Variants in NBAS observed in about 807,000 individuals in gnomAD.
The protein encoded by NBAS is NBAS subunit of NRZ tethering complex.
NBAS carries 219 observed loss-of-function variants against 302.5 expected under a neutral mutation model. The observed-to-expected ratio is 0.72, with a 90% CI of 0.65 to 0.81. The LOEUF (loss-of-function observed/expected upper bound fraction) is 0.81. Ranked by LOEUF, NBAS falls within the 30% of genes least tolerant of loss-of-function variation. The probability of loss-of-function intolerance (pLI) is 0.00; values close to 1 mark genes in which losing one functional copy is unlikely to be tolerated. For missense variants in NBAS, 2,932 were observed against 2,841.6 expected (o/e 1.03, Z -0.72); for synonymous variants, 1,118 against 1,021.6 (o/e 1.09, Z -1.80).
the NBAS span, among the ~76,000 whole-genome samples, chr2:14,961,154 T>G: frequency 6.6e-6 from 1 of 152,054 alleles, no homozygotes; most frequent in Non-Finnish European, 1.5e-5. Context: ...GAAGGAGAAC[T>G]GAAGAGGAGA....
intron 9 of NBAS, among the ~76,000 whole-genome samples, chr2:15,527,193 T>C (rs1294126236): frequency 1.3e-5 from 2 of 152,112 alleles, no homozygotes; most frequent in African/African-American, 4.8e-5. Context: ...ACATAAATTT[T>C]CTTTTCTACT....
chr2:15,387,395 A>T (rs1047123410), intron 28 of NBAS, among the ~76,000 whole-genome samples: 3 of 152,162 alleles, frequency 2.0e-5, no homozygotes, highest in Non-Finnish European at 4.4e-5. Context: ...TCTCTATTGT[A>T]ACTGGCTCTA....
chr2:15,340,542 G>C (rs559644801), intron 35 of NBAS, among the ~76,000 whole-genome samples: 1 of 152,242 alleles, frequency 6.6e-6, no homozygotes, highest in South Asian at 2.1e-4. Context: ...ATGTTAGGTT[G>C]GCAGCTGTAC....
At chr2:14,885,905 A>G in the NBAS span, among the ~76,000 whole-genome samples, 2 of 152,214 alleles carry the variant, frequency 1.3e-5, no homozygotes, top group African/African-American at 2.4e-5. Flanking sequence ...GTTTTACCGA[A>G]GTGGTGGGAA....
chr2:15,353,541 C>T lies in NBAS; in HGVS notation c.4089+12G>A, dbSNP rs748058651. On this transcript the variant is annotated intron_variant, in intron 34 of 51. Transcript: ENST00000281513. ...TCATACAGGTTAGGATTTCCTTTAT[C>T]GAAGGACTTACTTCTGTCTGCAGAG... 7.4e-6 allele frequency: 12 copies of T among 1,613,710 alleles called. No individual in the cohort carries two copies. The South Asian group carries it at 7.7e-5, about 10-fold the overall frequency.
At chr2:15,041,443 G>A in the NBAS span, among the ~76,000 whole-genome samples, 1 of 152,248 alleles carries the variant, frequency 6.6e-6, no homozygotes, top group Non-Finnish European at 1.5e-5. Flanking sequence ...AACAGCTGCA[G>A]GGTGGGAGTG....
At chr2:14,917,649 A>G in the NBAS span, among the ~76,000 whole-genome samples, 1 of 152,200 alleles carries the variant, frequency 6.6e-6, no homozygotes, top group Non-Finnish European at 1.5e-5. Flanking sequence ...ATGGTTATAT[A>G]GTGGGGACAC....
At chr2:15,464,104 T>G (rs1679625465) in intron 19 of NBAS, among the ~76,000 whole-genome samples, 1 of 152,160 alleles carries the variant, frequency 6.6e-6, no homozygotes, top group Non-Finnish European at 1.5e-5. Context: ...TCTACTTCTT[T>G]GACTGACTGA....
the NBAS span, among the ~76,000 whole-genome samples, chr2:15,073,273 G>C: frequency 6.6e-6 from 1 of 152,100 alleles, no homozygotes; most frequent in African/African-American, 2.4e-5. Flanking sequence ...GAGATCAGGA[G>C]TTTGAGACCA....
At chr2:15,441,323 C>T (rs1421948089) in intron 21 of NBAS, among the ~76,000 whole-genome samples, 2 of 152,172 alleles carry the variant, frequency 1.3e-5, no homozygotes, top group African/African-American at 2.4e-5. Context: ...AGAAACTCTA[C>T]AAACCAGAAG....
the NBAS span, among the ~76,000 whole-genome samples, chr2:14,990,069 T>C: frequency 0.045 from 6,880 of 152,128 alleles, 392 homozygotes; most frequent in African/African-American, 0.11. Flanking sequence ...CTTTTATTCC[T>C]TATCTTCTGA....
At chr2:14,871,971 CA>C in the NBAS span, among the ~76,000 whole-genome samples, 1 of 151,986 alleles carries the variant, frequency 6.6e-6, no homozygotes, top group African/African-American at 2.4e-5. Flanking sequence ...AATCAAGACC[CA>C]AATATATGCT....
chr2:15,150,043 C>T, the NBAS span, among the ~76,000 whole-genome samples: 983 of 145,656 alleles, frequency 6.7e-3, 8 homozygotes, highest in African/African-American at 0.023. Context: ...CCACTGTGCT[C>T]CAGAGCCTGG....
At chr2:15,130,788 A>AG in the NBAS span, among the ~76,000 whole-genome samples, 3 of 152,156 alleles carry the variant, frequency 2.0e-5, no homozygotes, top group Non-Finnish European at 4.4e-5. Context: ...TCCCATCCTC[A>AG]GGGGGCCACC....
chr2:15,154,335 G>A, the NBAS span, among the ~76,000 whole-genome samples: 2 of 152,114 alleles, frequency 1.3e-5, no homozygotes, highest in African/African-American at 4.8e-5. Flanking sequence ...GCTCTTCATC[G>A]GGGGCCTCTG....
intron 32 of NBAS, among the ~76,000 whole-genome samples, chr2:15,360,914 C>T (rs537224334): frequency 6.6e-5 from 10 of 152,086 alleles, no homozygotes; most frequent in South Asian, 6.2e-4. Context: ...AAACAGGAGG[C>T]GCATCTTTGA....
chr2:15,486,937 C>T (rs554621454), intron 12 of NBAS, among the ~76,000 whole-genome samples: 2 of 151,844 alleles, frequency 1.3e-5, no homozygotes, highest in African/African-American at 4.8e-5. Flanking sequence ...AAAAAAGTCT[C>T]TGGATTTTCA....
chr2:14,797,460 G>A, the NBAS span, among the ~76,000 whole-genome samples: 1 of 152,156 alleles, frequency 6.6e-6, no homozygotes, highest in Non-Finnish European at 1.5e-5. Context: ...GCAAGGCGGC[G>A]GGACTGAATG....
chr2:14,858,714 C>T, the NBAS span, among the ~76,000 whole-genome samples: 2 of 151,642 alleles, frequency 1.3e-5, no homozygotes, highest in Non-Finnish European at 2.9e-5. Context: ...TTAATGGGTA[C>T]CAAAAAATGC....
Sources: allele counts gnomAD v4.1 joint callset (sites outside exome capture counted in the v4.1 genomes callset), GRCh38; gene constraint gnomAD v4.1.1; transcripts MANE v1.5; gene names NCBI Gene and HGNC (gene_info 2026-07-23, HGNC 2026-07-21).